FBXL13: variants seen among roughly 807,000 people sequenced by gnomAD.
FBXL13 encodes F-box and leucine rich repeat protein 13.
FBXL13 carries 67 observed loss-of-function variants against 83.6 expected under a neutral mutation model. The ratio of observed to expected loss-of-function variants is 0.80; its 90% CI spans 0.66 to 0.98. FBXL13 has a LOEUF of 0.98. Ranked by LOEUF, FBXL13 falls within the 50% of genes least tolerant of loss-of-function variation. FBXL13 has a pLI of 0.00. For synonymous variants in FBXL13, 272 were observed against 299.5 expected, an observed-to-expected ratio of 0.91 and a Z score of 0.95; for missense variants, 822 against 866.5, an observed-to-expected ratio of 0.95 and a Z score of 0.64.
At chr7:102,825,240 G>A (rs1799420782) in intron 18 of FBXL13, among the ~76,000 whole-genome samples, 1 of 152,192 alleles carries the variant, frequency 6.6e-6, no homozygotes, top group Non-Finnish European at 1.5e-5. Context: ...AGATGTGGCA[G>A]TATTGAGAGG....
intron 19 of FBXL13, 115 bp downstream of exon 20, chr7:102,821,925 G>C: frequency 8.5e-7 from 1 of 1,172,376 alleles, no homozygotes; most frequent in Non-Finnish European, 1.2e-6. Flanking sequence ...AAAATAAAAT[G>C]AAATGAAACT....
chr7:103,018,771 G>T (rs1792717982), intron 6 of FBXL13, among the ~76,000 whole-genome samples: 1 of 152,160 alleles, frequency 6.6e-6, no homozygotes, highest in African/African-American at 2.4e-5. Flanking sequence ...AACAAGAAGA[G>T]ATAACTATAC....
intron 10 of FBXL13, among the ~76,000 whole-genome samples, chr7:102,919,263 T>C (rs1241763866): frequency 6.6e-6 from 1 of 152,196 alleles, no homozygotes; most frequent in African/African-American, 2.4e-5. Flanking sequence ...GTTCCTAAAA[T>C]ATATTCCAAG....
At chr7:102,928,334 T>C (rs144072887) in intron 9 of FBXL13, among the ~76,000 whole-genome samples, 113 of 152,350 alleles carry the variant, frequency 7.4e-4, no homozygotes, top group Non-Finnish European at 1.4e-3. Flanking sequence ...AGTACCTACA[T>C]TGCAGAATGA....
intron 5 of FBXL13, among the ~76,000 whole-genome samples, chr7:103,026,158 G>C (rs1793886855): frequency 6.6e-6 from 1 of 151,948 alleles, no homozygotes; most frequent in Non-Finnish European, 1.5e-5. Flanking sequence ...TGTTTTTTGA[G>C]AAGGAGTTTC....
chr7:102,888,600 G>A (rs1295267290), intron 11 of FBXL13, among the ~76,000 whole-genome samples: 1 of 152,210 alleles, frequency 6.6e-6, no homozygotes, highest in Non-Finnish European at 1.5e-5. Context: ...AGCAGTGGGA[G>A]TGCTGGTCTT....
At chr7:102,914,096 T>C (rs566733199) in intron 10 of FBXL13, among the ~76,000 whole-genome samples, 85 of 152,322 alleles carry the variant, frequency 5.6e-4, no homozygotes, top group African/African-American at 1.7e-3. Context: ...AGTTTCGCTC[T>C]TGTTGCCCAG....
Position 103,066,657 on chromosome 7 carries a change from C to T in FBXL13, c.-105+7589G>A, listed in dbSNP as rs200691083. ...ATCCACCCGCCTCAGCCTCCCAAAG[C>T]GCTGGGATTACAGGCGTGAGCCACT... On this transcript the variant is annotated intron_variant, in intron 1 of 19. Coordinates refer to ENST00000313221, the Ensembl canonical transcript of FBXL13. Among the ~76,000 whole-genome samples, 37 of 151,968 alleles carry T rather than the reference C, an allele frequency of 2.4e-4. 1 individual carries two copies. The highest frequency in any genetic ancestry group is 1.9e-3 in the South Asian group (9 of 4,814).
At chr7:103,024,352 C>T (rs576069576) in intron 6 of FBXL13, among the ~76,000 whole-genome samples, 136 of 151,590 alleles carry the variant, frequency 9.0e-4, no homozygotes, top group African/African-American at 2.6e-3. Flanking sequence ...TATGGTGAAA[C>T]CCCATCTCTA....
chr7:103,009,412 G>T (rs1025167604), intron 6 of FBXL13, among the ~76,000 whole-genome samples: 6 of 152,192 alleles, frequency 3.9e-5, no homozygotes, highest in Non-Finnish European at 7.4e-5. Context: ...TGGAGCCAGG[G>T]GAACCACTAC....
chr7:102,834,032 TGAAG>T (rs199540401), intron 17 of FBXL13, among the ~76,000 whole-genome samples: 1,618 of 75,412 alleles, frequency 0.021, 40 homozygotes, highest in Non-Finnish European at 0.024. Flanking sequence ...GAAACCATGA[TGAAG>T]GAAGGAAGGA....
At chr7:102,977,041 T>C (rs4729859) in intron 6 of FBXL13, among the ~76,000 whole-genome samples, 130,704 of 152,090 alleles carry the variant, frequency 0.86, 56,566 homozygotes, top group Admixed American at 0.93. Context: ...CCAACACCCA[T>C]GGAGTCCCTG....
intron 6 of FBXL13, among the ~76,000 whole-genome samples, chr7:103,006,681 C>A (rs1284549069): frequency 6.6e-6 from 1 of 151,990 alleles, no homozygotes; most frequent in Non-Finnish European, 1.5e-5. Flanking sequence ...ACAATATAAC[C>A]TATAAGATTA....
chr7:102,874,786 C>T (rs1328076337), intron 16 of FBXL13, among the ~76,000 whole-genome samples: 1 of 152,134 alleles, frequency 6.6e-6, no homozygotes, highest in Non-Finnish European at 1.5e-5. Context: ...AGGCTGGTCT[C>T]AAATTCTTGG....
chr7:102,874,044 T>C (rs1216430341), intron 16 of FBXL13, among the ~76,000 whole-genome samples: 1 of 152,196 alleles, frequency 6.6e-6, no homozygotes, highest in Non-Finnish European at 1.5e-5. Flanking sequence ...TCAGAGTAAA[T>C]ACTTGTTAAC....
chr7:102,866,322 A>G (rs1807644895), intron 16 of FBXL13, among the ~76,000 whole-genome samples: 1 of 152,132 alleles, frequency 6.6e-6, no homozygotes, highest in Admixed American at 6.5e-5. Context: ...TAGAAACAGG[A>G]GACAATGGAC....
chr7:102,823,964 A>C (rs1799188266), intron 18 of FBXL13, among the ~76,000 whole-genome samples: 1 of 152,212 alleles, frequency 6.6e-6, no homozygotes, highest in Non-Finnish European at 1.5e-5. Flanking sequence ...AGAAAAAAAA[A>C]GGCCCACAGA....
chr7:102,813,648 G>A (rs1797604612), intron 19 of FBXL13, 117 bp from the exon 21 acceptor site: 2 of 1,018,230 alleles, frequency 2.0e-6, no homozygotes, highest in East Asian at 4.9e-5. Context: ...ATTCACATGA[G>A]ACCTCTCTTG....
At chr7:102,966,135 T>C (rs1486022607) in intron 7 of FBXL13, among the ~76,000 whole-genome samples, 1 of 152,238 alleles carries the variant, frequency 6.6e-6, no homozygotes, top group Non-Finnish European at 1.5e-5. Context: ...AGAGAACTGA[T>C]TTCATCTTAC....
Sources: gnomAD v4.1 joint callset for allele counts (sites outside exome capture counted in the v4.1 genomes callset) on GRCh38, gnomAD v4.1.1 for gene constraint, MANE v1.5 for transcripts, NCBI Gene and HGNC (gene_info 2026-07-23, HGNC 2026-07-21) for gene names.